The following NAV2 variants were observed in gnomAD, a reference collection of about 807,000 sequenced individuals.
NAV2 encodes neuron navigator 2.
In NAV2, 54 loss-of-function variants were observed where a neutral mutation model predicts 223.2. The ratio of observed to expected loss-of-function variants is 0.24; its 90% CI spans 0.19 to 0.30. NAV2 has a LOEUF of 0.30. Among genes scored for constraint, NAV2 ranks in the 10% least tolerant of loss-of-function variants. NAV2 has a pLI of 1.00. For missense variants in NAV2, 2,806 were observed against 3,147.5 expected, an observed-to-expected ratio of 0.89 and a Z score of 2.60; for synonymous variants, 1,279 against 1,239.3, an observed-to-expected ratio of 1.03 and a Z score of -0.67.
intron 1 of NAV2, among the ~76,000 whole-genome samples, chr11:19,490,574 T>C (rs778717679): frequency 7.9e-5 from 12 of 152,202 alleles, no homozygotes; most frequent in Non-Finnish European, 1.8e-4. Context: ...AGCAATTCAG[T>C]CACATCTTCA....
chr11:19,814,483 T>C (rs1268663086), intron 1 of NAV2, among the ~76,000 whole-genome samples: 1 of 152,218 alleles, frequency 6.6e-6, no homozygotes, highest in Non-Finnish European at 1.5e-5. Flanking sequence ...TTTGGGAGCA[T>C]GCATTCACAG....
chr11:20,045,822 T>C (rs1243876389), intron 14 of NAV2, 152 bp downstream of exon 14: 2 of 668,176 alleles, frequency 3.0e-6, no homozygotes, highest in Non-Finnish European at 5.0e-6. Context: ...AGTTTTGCAG[T>C]TGACTATTTT....
chr11:19,448,791 C>T (rs1038879834), intron 1 of NAV2, among the ~76,000 whole-genome samples: 3 of 152,174 alleles, frequency 2.0e-5, no homozygotes, highest in Non-Finnish European at 2.9e-5. Context: ...AAATGCCATC[C>T]GTTTTCTCTT....
chr11:19,676,063 A>C (rs1288076085), intron 1 of NAV2, among the ~76,000 whole-genome samples: 1 of 152,114 alleles, frequency 6.6e-6, no homozygotes, highest in African/African-American at 2.4e-5. Context: ...TGCCCCTTCT[A>C]CCCACCCTGA....
intron 1 of NAV2, among the ~76,000 whole-genome samples, chr11:19,571,110 G>C (rs2045413084): frequency 6.6e-6 from 1 of 152,154 alleles, no homozygotes; most frequent in Admixed American, 6.5e-5. Flanking sequence ...GCAATAAAAA[G>C]AAGTGAAGTA....
At chr11:19,945,100 CTT>C (rs1333835245) in intron 8 of NAV2, among the ~76,000 whole-genome samples, 2 of 110,632 alleles carry the variant, frequency 1.8e-5, no homozygotes, top group African/African-American at 3.0e-5. Context: ...CTTCTCTTCT[CTT>C]CTTTCTTTTT....
intron 1 of NAV2, among the ~76,000 whole-genome samples, chr11:19,383,670 C>T (rs1450540643): frequency 1.3e-5 from 2 of 152,194 alleles, no homozygotes; most frequent in Non-Finnish European, 2.9e-5. Context: ...TCTCTCTGAA[C>T]TCCATGGGCC....
At chr11:19,490,735 C>A (rs937151391) in intron 1 of NAV2, among the ~76,000 whole-genome samples, 8 of 152,320 alleles carry the variant, frequency 5.3e-5, no homozygotes, top group African/African-American at 1.9e-4. Flanking sequence ...GGCCTTCTCC[C>A]ATGAATCATG....
rs767435685 is a variant in NAV2 at position 20,092,260 on chromosome 11, G to A, written c.5707G>A (p.Gly1903Ser). ...ENDRLKSESQGSGCSRAPSQV... is the reference protein window; with the variant it reads ...ENDRLKSESQSSGCSRAPSQV... ...TGATCGGCTGAAGTCAGAGTCTCAAGGCAGTGGCTGCAGCCGGGCTCCTTC... is the reference window on the plus strand; with the variant it reads ...TGATCGGCTGAAGTCAGAGTCTCAAAGCAGTGGCTGCAGCCGGGCTCCTTC... Residue 1903 changes from glycine to serine, a missense_variant, in exon 28 of 38, where the codon GGC becomes AGC. Around this residue, in one of 4 missense-constraint regions of NAV2, gnomAD observed 824 missense variants for 1,069.4 expected, o/e 0.77. Transcript: ENST00000349880. The A allele has an allele frequency of 2.5e-6, 4 of 1,614,218 alleles. No homozygotes were observed. In the South Asian group the frequency reaches 4.4e-5, roughly 18 times the overall value.
chr11:19,642,691 C>T (rs1245549101), intron 1 of NAV2, among the ~76,000 whole-genome samples: 1 of 152,012 alleles, frequency 6.6e-6, no homozygotes, highest in East Asian at 1.9e-4. Context: ...TGCCAATTCT[C>T]GAAATAGTTT....
At chr11:19,948,439 A>G (rs962917706) in intron 9 of NAV2, among the ~76,000 whole-genome samples, 18 of 152,130 alleles carry the variant, frequency 1.2e-4, no homozygotes, top group African/African-American at 4.3e-4. Context: ...TCATTTAATT[A>G]AAGTAATTCG....
intron 1 of NAV2, chr11:19,777,696 A>G (rs1186020244): frequency 5.0e-6 from 2 of 398,774 alleles, no homozygotes; most frequent in Non-Finnish European, 1.0e-5. Context: ...TGTGTGTTTA[A>G]ACCAGGAAAG....
chr11:20,037,398 T>C (rs946300275), intron 12 of NAV2, among the ~76,000 whole-genome samples: 1 of 150,526 alleles, frequency 6.6e-6, no homozygotes, highest in Non-Finnish European at 1.5e-5. Flanking sequence ...TGTATCAGAG[T>C]GTGGGAGTAA....
chr11:19,711,418 C>T (rs1391912006), upstream of NAV2: 1 of 152,190 alleles, frequency 6.6e-6, no homozygotes, highest in Non-Finnish European at 1.5e-5. Context: ...CCTTCTGTGT[C>T]CTCACAAGGC....
chr11:19,913,668 G>T (rs1376016932), intron 6 of NAV2, among the ~76,000 whole-genome samples: 2 of 152,214 alleles, frequency 1.3e-5, no homozygotes, highest in Admixed American at 1.3e-4. Flanking sequence ...GAGGGAGGCT[G>T]TCAAAACTCT....
At chr11:19,839,179 G>A (rs1168094723) in intron 2 of NAV2, among the ~76,000 whole-genome samples, 1 of 152,180 alleles carries the variant, frequency 6.6e-6, no homozygotes, top group African/African-American at 2.4e-5. Context: ...TTGCCTGCCA[G>A]CCCATCACAG....
At chr11:19,762,361 A>T (rs1349998475) in intron 1 of NAV2, among the ~76,000 whole-genome samples, 1 of 152,180 alleles carries the variant, frequency 6.6e-6, no homozygotes, top group Non-Finnish European at 1.5e-5. Context: ...AAATCCCTAC[A>T]ATGATATGCA....
chr11:19,454,036 G>A (rs934078008), intron 1 of NAV2, among the ~76,000 whole-genome samples: 2 of 152,146 alleles, frequency 1.3e-5, no homozygotes, highest in South Asian at 2.1e-4. Context: ...TTCTGCTCAC[G>A]GAGATGTGCT....
intron 1 of NAV2, among the ~76,000 whole-genome samples, chr11:19,483,985 G>A (rs1022581945): frequency 2.0e-5 from 3 of 152,078 alleles, no homozygotes; most frequent in Admixed American, 2.0e-4. Flanking sequence ...CCACCCCTCT[G>A]GAGTGTCACA....
Sources: gnomAD v4.1 joint callset for allele counts (sites outside exome capture counted in the v4.1 genomes callset) on GRCh38, gnomAD v4.1.1 for gene constraint, gnomAD v4.1.1 regional missense constraint, MANE v1.5 for transcripts, NCBI Gene and HGNC (gene_info 2026-07-23, HGNC 2026-07-21) for gene names.